Variants in GLI2 observed in about 807,000 individuals in gnomAD.
The protein encoded by GLI2 is transcription activator GLI2.
GLI2 carries 22 observed loss-of-function variants against 78.9 expected under a neutral mutation model. The ratio of observed to expected loss-of-function variants is 0.28; its 90% CI spans 0.20 to 0.40. The LOEUF is 0.40. GLI2 is among the 10% of genes least tolerant of loss of function. The probability of loss-of-function intolerance (pLI) is 1.00; values close to 1 mark genes in which losing one functional copy is unlikely to be tolerated. For missense variants in GLI2, 2,097 were observed against 2,213.2 expected (o/e 0.95, Z 1.05); for synonymous variants, 974 against 963.7 (o/e 1.01, Z -0.20).
chr2:120,781,656 G>A (rs555662730), intron 1 of GLI2, among the ~76,000 whole-genome samples: 2 of 152,332 alleles, frequency 1.3e-5, no homozygotes, highest in East Asian at 3.9e-4. Flanking sequence ...GCCGAGGCGG[G>A]TGGATCACCT....
chr2:120,830,419 T>C (rs1265117866), intron 2 of GLI2, among the ~76,000 whole-genome samples: 1 of 152,190 alleles, frequency 6.6e-6, no homozygotes. Flanking sequence ...GGCAGCATGC[T>C]TGCCAAGCCT....
At chr2:120,987,521 G>A (rs1243410541) in intron 13 of GLI2, among the ~76,000 whole-genome samples, 1 of 152,170 alleles carries the variant, frequency 6.6e-6, no homozygotes, top group Non-Finnish European at 1.5e-5. Flanking sequence ...GGGGGTCCTG[G>A]GCTCCCTGTG....
intron 1 of GLI2, among the ~76,000 whole-genome samples, chr2:120,752,218 T>G (rs1307194121): frequency 1.3e-5 from 2 of 152,122 alleles, no homozygotes; most frequent in African/African-American, 4.8e-5. Context: ...TGTACATGTA[T>G]GTATATGTGT....
intron 1 of GLI2, among the ~76,000 whole-genome samples, chr2:120,781,610 C>A (rs190558707): frequency 6.7e-4 from 101 of 151,324 alleles, no homozygotes; most frequent in African/African-American, 2.3e-3. Context: ...CGGCCAGGTG[C>A]GGTGGCTTAC....
At chr2:120,843,305 C>T (rs1043898907) in intron 2 of GLI2, among the ~76,000 whole-genome samples, 1 of 152,164 alleles carries the variant, frequency 6.6e-6, no homozygotes, top group African/African-American at 2.4e-5. Context: ...CCCAAGATCC[C>T]ATAGGCAGGA....
chr2:120,965,764 C>T (rs776915400), intron 5 of GLI2, among the ~76,000 whole-genome samples: 3 of 152,258 alleles, frequency 2.0e-5, no homozygotes, highest in Non-Finnish European at 4.4e-5. Context: ...ATTTGCAGTG[C>T]AGCCTCACAG....
intron 1 of GLI2, among the ~76,000 whole-genome samples, chr2:120,794,591 G>A (rs901878964): frequency 6.6e-6 from 1 of 152,122 alleles, no homozygotes; most frequent in African/African-American, 2.4e-5. Flanking sequence ...TGCGAGTGCT[G>A]GGGGGTGTGG....
chr2:120,797,563 G>T (rs1055784250), intron 2 of GLI2, 95 bp downstream of exon 2: 37 of 1,240,928 alleles, frequency 3.0e-5, no homozygotes, highest in Non-Finnish European at 4.3e-5. Context: ...CGTCAGGGAG[G>T]CATGCTGGGT....
chr2:120,738,914 G>A (rs970169664), intron 1 of GLI2, among the ~76,000 whole-genome samples: 2 of 152,184 alleles, frequency 1.3e-5, no homozygotes, highest in South Asian at 4.1e-4. Context: ...CGAGGCCCTT[G>A]TGGCCAGGCA....
chr2:120,863,217 A>T (rs549028238), intron 2 of GLI2, among the ~76,000 whole-genome samples: 1 of 152,220 alleles, frequency 6.6e-6, no homozygotes, highest in Non-Finnish European at 1.5e-5. Flanking sequence ...GAAGCCCACA[A>T]GTTCCCTAAA....
chr2:120,862,341 C>G (rs1687938534), intron 2 of GLI2, among the ~76,000 whole-genome samples: 1 of 152,210 alleles, frequency 6.6e-6, no homozygotes, highest in Non-Finnish European at 1.5e-5. Context: ...TCGCCCACCC[C>G]TCCGCCAGGC....
At chr2:120,956,847 T>G (rs536744031) in intron 5 of GLI2, among the ~76,000 whole-genome samples, 13 of 152,218 alleles carry the variant, frequency 8.5e-5, no homozygotes, top group African/African-American at 2.9e-4. Flanking sequence ...CAGGGTGGGC[T>G]GCTGCCTTGC....
At chr2:120,916,318 G>A (rs774965420) in intron 2 of GLI2, among the ~76,000 whole-genome samples, 4 of 152,318 alleles carry the variant, frequency 2.6e-5, no homozygotes, top group African/African-American at 9.6e-5. Flanking sequence ...GCTTTGCACC[G>A]GGGCTTACAC....
chr2:120,781,831 T>A (rs181431756), intron 1 of GLI2, among the ~76,000 whole-genome samples: 23 of 151,272 alleles, frequency 1.5e-4, no homozygotes, highest in African/African-American at 5.1e-4. Flanking sequence ...TGTAGTGAGC[T>A]GAGATTATAC....
At chr2:120,908,920 G>T (rs759542745) in intron 2 of GLI2, among the ~76,000 whole-genome samples, 1 of 152,160 alleles carries the variant, frequency 6.6e-6, no homozygotes, top group Non-Finnish European at 1.5e-5. Flanking sequence ...AGGCTGAGAA[G>T]GCTTCACGTT....
At chr2:120,858,505 C>T (rs1158269576) in intron 2 of GLI2, among the ~76,000 whole-genome samples, 1 of 152,226 alleles carries the variant, frequency 6.6e-6, no homozygotes, top group Non-Finnish European at 1.5e-5. Context: ...CTCTCGCCTC[C>T]ACCCTTGTCC....
At chr2:120,949,573 G>T (rs1187032468) in intron 3 of GLI2, among the ~76,000 whole-genome samples, 1 of 152,216 alleles carries the variant, frequency 6.6e-6, no homozygotes, top group African/African-American at 2.4e-5. Context: ...GGGGCTTCAG[G>T]GAGGGTGCCA....
At chr2:120,875,042 C>T (rs1183322302) in intron 2 of GLI2, among the ~76,000 whole-genome samples, 1 of 152,228 alleles carries the variant, frequency 6.6e-6, no homozygotes, top group African/African-American at 2.4e-5. Flanking sequence ...GTGAGGTGAC[C>T]TCTGCCTTTG....
chr2:120,791,069 C>G (rs1391716156), intron 1 of GLI2, among the ~76,000 whole-genome samples: 1 of 152,130 alleles, frequency 6.6e-6, no homozygotes, highest in East Asian at 1.9e-4. Flanking sequence ...AACATGGCCA[C>G]AGACACACAG....
Sources: gnomAD v4.1 joint callset for allele counts (sites outside exome capture counted in the v4.1 genomes callset) on GRCh38, gnomAD v4.1.1 for gene constraint, MANE v1.5 for transcripts, NCBI Gene and HGNC (gene_info 2026-07-23, HGNC 2026-07-21) for gene names.